The following DHRS11 variants were observed in gnomAD, a reference collection of about 807,000 sequenced individuals.
The protein encoded by DHRS11 is dehydrogenase/reductase 11.
A neutral mutation model predicts 30.7 loss-of-function variants in DHRS11; 18 were observed. That is an observed-to-expected ratio of 0.59 (90% CI 0.41 to 0.87). DHRS11 has a LOEUF of 0.87. Ranked by LOEUF, DHRS11 falls within the 40% of genes least tolerant of loss-of-function variation. The pLI is 0.00. For synonymous variants in DHRS11, 123 were observed against 139.6 expected, an observed-to-expected ratio of 0.88 and a Z score of 0.84; for missense variants, 300 against 349.0, an observed-to-expected ratio of 0.86 and a Z score of 1.12.
rs2074842916 is a variant in DHRS11 at position 36,599,868 on chromosome 17, G to A, written c.676-104G>A. 4.4e-6 allele frequency: 7 copies of A among 1,583,044 alleles called. No individual in the cohort carries two copies. The Admixed American group carries it at 5.2e-5, about 12-fold the overall frequency. On this transcript the variant is annotated intron_variant, in intron 5 of 6. Coordinates refer to ENST00000618403, the MANE Select transcript of DHRS11 (RefSeq NM_024308.4). ...TCTTCCAGCCTTTGTGGCTCCTCCT[G>A]GAGGGTTGGGGTGGATGTGTGGATG...
intron 3 of DHRS11, chr17:36,598,587 AG>A: frequency 4.0e-6 from 2 of 500,280 alleles, no homozygotes; most frequent in Non-Finnish European, 7.1e-6. Flanking sequence ...CCCCAGTCTG[AG>A]GGGGGACATG....
Position 36,599,986 on chromosome 17 carries a change from G to A in DHRS11, c.690G>A (p.Glu230=), listed in dbSNP as rs1451526217. Residue 230 remains glutamate, a synonymous_variant, in exon 6 of 7, where the codon GAG becomes GAA. Coordinates refer to ENST00000618403, the MANE Select transcript of DHRS11 (RefSeq NM_024308.4). ...GGTGCTCTCAGTGTCTCAAACCCGAGGATGTGGCCGAGGCTGTTATCTACG... is the reference window on the plus strand; with the variant it reads ...GGTGCTCTCAGTGTCTCAAACCCGAAGATGTGGCCGAGGCTGTTATCTACG... ...TYEQMKCLKP[E]DVAEAVIYVL... 1 of 1,613,518 alleles carries A rather than the reference G, an allele frequency of 6.2e-7. No individual in the cohort carries two copies. The highest frequency in any genetic ancestry group is 8.5e-7 in the Non-Finnish European group (1 of 1,179,868).
intron 3 of DHRS11, 192 bp from the exon 4 acceptor site, chr17:36,598,729 A>C: frequency 1.6e-6 from 1 of 643,820 alleles, no homozygotes; most frequent in Non-Finnish European, 2.6e-6. Flanking sequence ...AGTTCCAGGA[A>C]AAGGAGGGTT....
chr17:36,596,241 A>G (rs1324362218), intron 2 of DHRS11: 1 of 151,924 alleles, frequency 6.6e-6, no homozygotes, highest in Admixed American at 6.6e-5. Context: ...GCTCACTGCA[A>G]CCTCCGCCTT....
At chr17:36,599,361 A>G (rs2074837049) in intron 4 of DHRS11, 1 of 551,992 alleles carries the variant, frequency 1.8e-6, no homozygotes, top group Non-Finnish European at 3.2e-6. Context: ...CTTCTCTTGA[A>G]GGCCGCATGA....
intron 2 of DHRS11, chr17:36,596,670 C>T (rs2142817785): frequency 2.5e-6 from 1 of 404,436 alleles, no homozygotes; most frequent in East Asian, 7.3e-5. Flanking sequence ...TGTTTTGAAA[C>T]TGTGCACAGG....
At position 36,592,354 on chromosome 17, in the gene DHRS11, C is replaced by T. The variant is rs988123154; in HGVS notation, c.147+198C>T. On this transcript the variant is annotated intron_variant, in intron 1 of 6. Transcript: ENST00000618403. The surrounding 1 kb of genome is among the most constrained non-coding windows in gnomAD (Gnocchi z 4.4). Reference sequence around the variant, plus strand: ...ACAGCCCCTGCTCGAGTTACCGAATCTCCGACCCCGGCATCTCCCCACCCG... The same window carrying T: ...ACAGCCCCTGCTCGAGTTACCGAATTTCCGACCCCGGCATCTCCCCACCCG... 6.6e-6 allele frequency among the ~76,000 whole-genome samples: 1 copy of T among 152,228 alleles called. No homozygotes were observed. Among genetic ancestry groups the T allele is most frequent in the African/African-American group, 2.4e-5 (1 of 41,462 alleles).
intron 2 of DHRS11, among the ~76,000 whole-genome samples, chr17:36,595,958 T>C (rs1376641830): frequency 6.6e-6 from 1 of 152,110 alleles, no homozygotes; most frequent in Non-Finnish European, 1.5e-5. Context: ...GCTTCAGTCT[T>C]GTCACAATTA....
intron 4 of DHRS11, 127 bp from the exon 5 acceptor site, chr17:36,599,544 G>A (rs1227175518): frequency 6.8e-6 from 6 of 886,806 alleles, no homozygotes; most frequent in Non-Finnish European, 1.1e-5. Context: ...GGAGGGAGGA[G>A]GCCGCTGCCG....
chr17:36,592,090 G>T lies in DHRS11; in HGVS notation c.81G>T (p.Val27=). The T allele has an allele frequency of 8.0e-7, 1 of 1,249,914 alleles. No individual in the cohort carries two copies. The allele number at this position is 1,249,914 out of a possible 1,614,324, so 77.4% of individuals were successfully genotyped here. A position where few individuals can be genotyped will look rare whatever the true frequency, so the allele number is the denominator to read the frequency against. Residue 27 remains valine, a synonymous_variant, in exon 1 of 7, where the codon GTG becomes GTT. Coordinates refer to ENST00000618403, the MANE Select transcript of DHRS11 (RefSeq NM_024308.4). This position sits in a 1 kb window ranked among gnomAD's most constrained non-coding sequence, Gnocchi z 4.4. ...TGASGGIGAA[V]ARALVQQGLK... Reference sequence around the variant, plus strand: ...CCTCGGGGGGCATCGGCGCGGCCGTGGCCCGGGCCCTGGTCCAGCAGGGAC... The same window carrying T: ...CCTCGGGGGGCATCGGCGCGGCCGTTGCCCGGGCCCTGGTCCAGCAGGGAC...
At chr17:36,598,333 G>A in intron 3 of DHRS11, 76 bp downstream of exon 3, 1 of 1,351,004 alleles carries the variant, frequency 7.4e-7, no homozygotes, top group South Asian at 1.2e-5. Flanking sequence ...GACCTCTTTG[G>A]ACCTCAGTTT....
chr17:36,599,898 A>G (rs2074843560), intron 5 of DHRS11, 74 bp from the exon 6 acceptor site: 2 of 1,579,058 alleles, frequency 1.3e-6, no homozygotes, highest in Non-Finnish European at 1.7e-6. Context: ...TGGATGCCAC[A>G]GAGAAGCTCA....
chr17:36,594,996 C>G lies in DHRS11; in HGVS notation c.173C>G (p.Ala58Gly), dbSNP rs1400506591. 8 of 1,614,210 alleles carry G rather than the reference C, an allele frequency of 5.0e-6. No individual in the cohort carries two copies. Among genetic ancestry groups the G allele is most frequent in the Admixed American group, 1.7e-5 (1 of 60,026 alleles). The change falls in exon 2 of 7, where the codon GCA becomes GGA. Residue 58 changes from alanine to glycine, a missense_variant. By Grantham distance (60) the Ala-to-Gly change is moderately conservative (BLOSUM62 0). Transcript: ENST00000618403. ...GAGCTGGCTGCTGAATGTAAGAGTG[C>G]AGGCTACCCCGGGACTTTGATCCCC... The part of the protein sequence containing the change: ...IEELAAECKS[A>G]GYPGTLIPYR...
intron 5 of DHRS11, 101 bp from the exon 6 acceptor site, chr17:36,599,871 G>T (rs2074842982): frequency 6.3e-7 from 1 of 1,582,660 alleles, no homozygotes; most frequent in Non-Finnish European, 8.6e-7. Context: ...TCCTCCTGGA[G>T]GGTTGGGGTG....
chr17:36,596,746 A>T (rs146416749), intron 2 of DHRS11: 4 of 470,912 alleles, frequency 8.5e-6, no homozygotes, highest in Non-Finnish European at 1.8e-5. Context: ...ATAGTAGGGT[A>T]TAAAAGTATC....
At position 36,599,698 on chromosome 17, in the gene DHRS11, C is replaced by T. The variant is rs753323059; in HGVS notation, c.610C>T (p.Gln204Ter). Reference sequence around the variant, plus strand: ...CATCTCTCCAGGTGTGGTGGAGACACAATTCGCCTTCAAACTCCACGACAA... The same window carrying T: ...CATCTCTCCAGGTGTGGTGGAGACATAATTCGCCTTCAAACTCCACGACAA... ...TCISPGVVETQFAFKLHDKDP... is the reference protein window; with the variant it reads ...TCISPGVVET Residue 204 changes from glutamine to a stop codon, truncating the protein, a stop_gained, in exon 5 of 7, where the codon CAA (glutamine) becomes TAA (stop). Transcript: ENST00000618403. LOFTEE classifies it high-confidence loss of function. The T allele has an allele frequency of 1.9e-5, 30 of 1,614,064 alleles. No individual in the cohort carries two copies. The highest frequency in any genetic ancestry group is 2.5e-5 in the Non-Finnish European group (30 of 1,180,040).
rs145601001 is a variant in DHRS11 at position 36,594,336 on chromosome 17, A to G, written c.148-635A>G. ...GGAGAGGCGCATATTACCTATGGGC[A>G]GAAGAGGTGTTCCTGTTGAGGAAGA... On this transcript the variant is annotated intron_variant, in intron 1 of 6. Transcript: ENST00000618403. Among the ~76,000 whole-genome samples, 781 of 152,300 alleles carry G rather than the reference A, an allele frequency of 5.1e-3. 10 individuals are homozygous for G. The highest frequency in any genetic ancestry group is 0.017 in the African/African-American group (725 of 41,544).
At chr17:36,594,462 C>T (rs2074792934) in intron 1 of DHRS11, 1 of 170,894 alleles carries the variant, frequency 5.9e-6, no homozygotes, top group African/African-American at 2.4e-5. Context: ...GAGACACAGT[C>T]TTGCTCTGTC....
At chr17:36,598,737 G>A (rs759965298) in intron 3 of DHRS11, 184 bp from the exon 4 acceptor site, 15 of 697,542 alleles carry the variant, frequency 2.2e-5, no homozygotes, top group Admixed American at 3.2e-5. Flanking sequence ...GAAAAGGAGG[G>A]TTTTCCAAAG....
Sources: gnomAD v4.1 joint callset for allele counts (sites outside exome capture counted in the v4.1 genomes callset) on GRCh38, gnomAD v4.1.1 for gene constraint, Gnocchi (gnomAD v3.1) non-coding constraint, MANE v1.5 for transcripts, NCBI Gene and HGNC (gene_info 2026-07-23, HGNC 2026-07-21) for gene names.